The following HHAT variants were observed in gnomAD, a reference collection of about 807,000 sequenced individuals.
HHAT encodes the protein hedgehog acyltransferase, also known as protein-cysteine N-palmitoyltransferase HHAT.
A neutral mutation model predicts 70.8 loss-of-function variants in HHAT; 47 were observed. The ratio of observed to expected loss-of-function variants is 0.66; its 90% CI spans 0.53 to 0.85. HHAT has a LOEUF of 0.85. HHAT is among the 40% of genes least tolerant of loss of function. The probability of loss-of-function intolerance (pLI) is 0.00; values close to 1 mark genes in which losing one functional copy is unlikely to be tolerated. For missense variants in HHAT, 609 were observed against 604.8 expected (o/e 1.01, Z -0.07); for synonymous variants, 228 against 247.6 (o/e 0.92, Z 0.74).
chr1:210,402,320 C>T (rs1159029141), intron 5 of HHAT, among the ~76,000 whole-genome samples: 1 of 152,208 alleles, frequency 6.6e-6, no homozygotes, highest in Non-Finnish European at 1.5e-5. Context: ...ATTGATGTTT[C>T]CCACCTTCAT....
intron 9 of HHAT, among the ~76,000 whole-genome samples, chr1:210,565,514 C>T (rs531031834): frequency 2.6e-5 from 4 of 152,258 alleles, no homozygotes; most frequent in South Asian, 2.1e-4. Flanking sequence ...TTATTCCTGT[C>T]GTTCCATGAA....
chr1:210,556,858 C>T (rs1558155157), intron 9 of HHAT, among the ~76,000 whole-genome samples: 1 of 152,204 alleles, frequency 6.6e-6, no homozygotes, highest in Non-Finnish European at 1.5e-5. Flanking sequence ...ATATAAGAGT[C>T]AGCATAATCC....
At chr1:210,499,401 C>T (rs1454380229) in intron 8 of HHAT, among the ~76,000 whole-genome samples, 1 of 152,172 alleles carries the variant, frequency 6.6e-6, no homozygotes, top group African/African-American at 2.4e-5. Flanking sequence ...CTTTGGGAGG[C>T]CAAAGTGGGC....
chr1:210,448,568 C>G (rs936498289), intron 7 of HHAT, among the ~76,000 whole-genome samples: 4 of 152,086 alleles, frequency 2.6e-5, no homozygotes, highest in Non-Finnish European at 2.9e-5. Flanking sequence ...GGGCAATTTA[C>G]GAAGTATTGA....
chr1:210,492,026 G>C (rs895288804), intron 8 of HHAT, among the ~76,000 whole-genome samples: 5 of 152,150 alleles, frequency 3.3e-5, no homozygotes, highest in African/African-American at 7.2e-5. Flanking sequence ...GCCTCCCAAA[G>C]TGCTGGGATT....
chr1:210,370,610 ATTTTTTTTTTTTT>A (rs10664778), intron 3 of HHAT, among the ~76,000 whole-genome samples: 1 of 98,356 alleles, frequency 1.0e-5, no homozygotes, highest in Non-Finnish European at 1.9e-5. Context: ...TGCAGATGCT[ATTTTTTTTTTTTT>A]TTTTTTTTGG....
intron 7 of HHAT, among the ~76,000 whole-genome samples, chr1:210,429,958 T>C (rs921798412): frequency 2.6e-5 from 4 of 151,898 alleles, no homozygotes; most frequent in Non-Finnish European, 5.9e-5. Context: ...CATTCTTCTG[T>C]AAAGAAGACT....
chr1:210,644,352 C>G (rs138454101), intron 11 of HHAT, among the ~76,000 whole-genome samples: 2,498 of 152,208 alleles, frequency 0.016, 48 homozygotes, highest in Middle Eastern at 0.031. Flanking sequence ...CCTGTAATCC[C>G]AGCACTTTGG....
At chr1:210,367,714 C>A (rs2089138631) in intron 3 of HHAT, among the ~76,000 whole-genome samples, 1 of 152,144 alleles carries the variant, frequency 6.6e-6, no homozygotes, top group Admixed American at 6.6e-5. Context: ...AGGATTACAG[C>A]CCCAATCAAG....
intron 3 of HHAT, among the ~76,000 whole-genome samples, chr1:210,385,874 G>A (rs2091007332): frequency 2.0e-5 from 3 of 152,100 alleles, no homozygotes; most frequent in African/African-American, 7.2e-5. Flanking sequence ...ATCCCTGTAA[G>A]GTAAGTACTA....
At chr1:210,588,284 T>G in intron 10 of HHAT, 185 bp downstream of exon 10, 1 of 580,726 alleles carries the variant, frequency 1.7e-6, no homozygotes, top group East Asian at 2.8e-5. Context: ...TATGTGTGTT[T>G]GTGCATGGGT....
At chr1:210,603,825 G>A (rs1664791419) in intron 10 of HHAT, among the ~76,000 whole-genome samples, 1 of 152,108 alleles carries the variant, frequency 6.6e-6, no homozygotes, top group East Asian at 1.9e-4. Flanking sequence ...AGCCTTTCGA[G>A]CAGCTGCTGG....
chr1:210,454,159 T>C (rs146632919), intron 7 of HHAT, among the ~76,000 whole-genome samples: 135 of 152,254 alleles, frequency 8.9e-4, no homozygotes, highest in Non-Finnish European at 1.7e-3. Flanking sequence ...TTCTGGGAGA[T>C]ATAATTTAAG....
At chr1:210,377,051 C>T (rs1268674821) in intron 3 of HHAT, among the ~76,000 whole-genome samples, 1 of 152,160 alleles carries the variant, frequency 6.6e-6, no homozygotes. Flanking sequence ...TGAAGACTTC[C>T]TAAGTATAAA....
At chr1:210,660,534 T>C (rs1437024832) in intron 11 of HHAT, among the ~76,000 whole-genome samples, 1 of 152,166 alleles carries the variant, frequency 6.6e-6, no homozygotes, top group Non-Finnish European at 1.5e-5. Flanking sequence ...AAGGTACCAA[T>C]GACTTTCTTC....
intron 1 of HHAT, among the ~76,000 whole-genome samples, chr1:210,336,529 A>G (rs2085515637): frequency 6.6e-6 from 1 of 151,860 alleles, no homozygotes; most frequent in African/African-American, 2.4e-5. Context: ...CATTCCTGTA[A>G]TCCCAGCACT....
chr1:210,471,777 T>C lies in HHAT; in HGVS notation c.1007+7122T>C, dbSNP rs114563803. Among the ~76,000 whole-genome samples, 1,057 of 152,342 alleles carry C rather than the reference T, an allele frequency of 6.9e-3. 13 individuals carry two copies. The highest frequency in any genetic ancestry group is 0.023 in the African/African-American group (958 of 41,584). On this transcript the variant is annotated intron_variant, in intron 8 of 11. Coordinates refer to ENST00000261458, the MANE Select transcript of HHAT (RefSeq NM_018194.6). ...ACATTAAGCCCATTAGATGTTAATA[T>C]AACATTTTTTTCTGAAAAAGTAACT...
chr1:210,659,445 T>C (rs758434986), intron 11 of HHAT, among the ~76,000 whole-genome samples: 1 of 151,160 alleles, frequency 6.6e-6, no homozygotes, highest in Non-Finnish European at 1.5e-5. Context: ...ATTAATAGCC[T>C]CCCAACCAAA....
In HHAT at chr1:210,413,372, G is replaced by C. The variant is rs546414717; in HGVS notation, c.685-4782G>C. Among the ~76,000 whole-genome samples the C allele has an allele frequency of 8.8e-4, 134 of 152,308 alleles. 1 individual carries two copies. The highest frequency in any genetic ancestry group is 3.1e-3 in the African/African-American group (127 of 41,570). The stretch of plus-strand genomic sequence containing the variant: ...AGCTGACTAACCTTATCAGGTGGTT[G>C]GTTGGCCACATTCTTGATGTTCTCT... On this transcript the variant is annotated intron_variant, in intron 6 of 11. Transcript: ENST00000261458.
Sources: gnomAD v4.1 joint callset for allele counts (sites outside exome capture counted in the v4.1 genomes callset) on GRCh38, gnomAD v4.1.1 for gene constraint, MANE v1.5 for transcripts, NCBI Gene and HGNC (gene_info 2026-07-23, HGNC 2026-07-21) for gene names.